Variants in GON4L observed in about 807,000 individuals in gnomAD.
GON4L encodes the protein GON-4-like protein.
In GON4L, 87 loss-of-function variants were observed where a neutral mutation model predicts 211.8. That is an observed-to-expected ratio of 0.41 (90% confidence interval 0.35 to 0.49). The LOEUF is 0.49. Among genes scored for constraint, GON4L ranks in the 20% least tolerant of loss-of-function variants. GON4L has a pLI of 0.15. For synonymous variants in GON4L, 875 were observed against 962.6 expected (o/e 0.91, Z 1.68); for missense variants, 2,155 against 2,659.5 (o/e 0.81, Z 4.17).
rs776280997 is a variant in GON4L, at chr1:155,766,294, A to G, written c.3179T>C (p.Val1060Ala). The G allele has an allele frequency of 1.4e-5, 23 of 1,613,642 alleles. No homozygotes were observed. The highest frequency in any genetic ancestry group is 1.9e-5 in the Non-Finnish European group (22 of 1,179,930). Reference protein sequence around the residue: ...QTVPGVPPLGVSGGESFESPA... With the variant: ...QTVPGVPPLGASGGESFESPA... ...AGACTCAAAACTCTCACCTCCACTG[A>G]CCCCCAGTGGAGGGACACCTGGAAC... The change falls in exon 21 of 32, where the codon GTC (valine) becomes GCC (alanine). Residue 1060 changes from valine (V) to alanine (A), a missense_variant. Val to Ala is a moderately conservative substitution (Grantham distance 64). This residue lies in a region of GON4L where 615 missense variants were observed against 625.7 expected (regional missense o/e 0.98). Coordinates refer to ENST00000368331, the MANE Select transcript of GON4L (RefSeq NM_001282860.2).
intron 27 of GON4L, 145 bp downstream of exon 27, chr1:155,756,813 C>A: frequency 1.6e-6 from 1 of 630,272 alleles, no homozygotes; most frequent in Non-Finnish European, 2.8e-6. Flanking sequence ...TCTGTAATTC[C>A]AGCTACTTGA....
chr1:155,775,247 T>C (rs557119897), intron 16 of GON4L, 74 bp from the exon 17 acceptor site: 31 of 1,596,220 alleles, frequency 1.9e-5, no homozygotes, highest in East Asian at 6.7e-5. Flanking sequence ...AGAATCTAAA[T>C]GAGAAGCTGA....
intron 2 of GON4L, among the ~76,000 whole-genome samples, chr1:155,831,283 G>A (rs760545398): frequency 2.2e-4 from 33 of 151,900 alleles, no homozygotes; most frequent in Non-Finnish European, 4.4e-4. Context: ...TAGGTAACAC[G>A]GTGGGACCCT....
chr1:155,823,626 G>A (rs1668916377), intron 3 of GON4L, among the ~76,000 whole-genome samples: 1 of 152,186 alleles, frequency 6.6e-6, no homozygotes, highest in African/African-American at 2.4e-5. Context: ...TGGACGCAGT[G>A]GCTCACACCT....
chr1:155,817,364 T>C (rs1435918127), intron 6 of GON4L, among the ~76,000 whole-genome samples: 1 of 152,182 alleles, frequency 6.6e-6, no homozygotes, highest in Non-Finnish European at 1.5e-5. Flanking sequence ...TTCTTGACCA[T>C]TTAATTGTAA....
chr1:155,748,759 T>C, downstream of GON4L: 1 of 1,614,174 alleles, frequency 6.2e-7, no homozygotes, highest in Non-Finnish European at 8.5e-7. Context: ...TCAGTGGTGC[T>C]GAGGGTATAG....
In GON4L at chr1:155,787,570, C is replaced by T. The variant is rs546413436; in HGVS notation, c.1748-2196G>A. On this transcript the variant is annotated intron_variant, in intron 12 of 31. Transcript: ENST00000368331. ...GGCAGATCATCTGCGGTCAGGAGTT[C>T]GAGACCAGTCTGACCAACATGGTGA... Among the ~76,000 whole-genome samples, 11 of 152,196 alleles carry T rather than the reference C, an allele frequency of 7.2e-5. No individual in the cohort carries two copies. The East Asian group carries it at 1.5e-3, about 21-fold the overall frequency.
At chr1:155,777,263 C>T (rs1319076440) in intron 15 of GON4L, among the ~76,000 whole-genome samples, 4 of 152,108 alleles carry the variant, frequency 2.6e-5, no homozygotes, top group African/African-American at 9.7e-5. Flanking sequence ...TAATTTCTGG[C>T]CTCAGAGTTA....
At chr1:155,776,314 G>T in intron 16 of GON4L, 81 bp downstream of exon 16, 1 of 967,058 alleles carries the variant, frequency 1.0e-6, no homozygotes, top group Non-Finnish European at 1.7e-6. Flanking sequence ...TATAGATTAT[G>T]ATCAGTGAAT....
rs141043212 is a variant in GON4L at position 155,853,485 on chromosome 1, A to T, written c.296T>A (p.Ile99Asn). 1.9e-6 allele frequency: 3 copies of T among 1,613,966 alleles called. No homozygotes were observed. The African/African-American group carries it at 4.0e-5, about 22-fold the overall frequency. Residue 99 changes from isoleucine to asparagine, a missense_variant, in exon 2 of 32, where the codon ATC becomes AAC. Ile to Asn is a moderately radical substitution (Grantham distance 149, BLOSUM62 -3). Transcript: ENST00000368331. ...GGAAGGTAGGGTGATTCCCTGAGAG[A>T]TGGCCACATCAACACCTTCTAGAAT... The part of the protein sequence containing the change: ...VPILEGVDVA[I>N]SQGITLPSLE...
At chr1:155,773,528 C>A in intron 17 of GON4L, 2 of 296,344 alleles carry the variant, frequency 6.7e-6, no homozygotes, top group Non-Finnish European at 6.4e-6. Context: ...AAATGTTTTA[C>A]CTCCTTCCCC....
intron 13 of GON4L, 57 bp from the exon 14 acceptor site, chr1:155,784,146 C>T: frequency 1.3e-6 from 2 of 1,599,706 alleles, no homozygotes; most frequent in Non-Finnish European, 1.7e-6. Flanking sequence ...AATGTTGCTC[C>T]AGTATTGGGA....
intron 2 of GON4L, among the ~76,000 whole-genome samples, chr1:155,850,572 C>T (rs1023833577): frequency 1.3e-5 from 2 of 152,158 alleles, no homozygotes; most frequent in Non-Finnish European, 2.9e-5. Context: ...AAGATTATTG[C>T]TAAACTCCCT....
At chr1:155,776,560 T>G in intron 15 of GON4L, 79 bp from the exon 16 acceptor site, 3 of 1,126,104 alleles carry the variant, frequency 2.7e-6, no homozygotes, top group Non-Finnish European at 2.7e-6. Flanking sequence ...TTTTTTTTTT[T>G]TCTTCTTGGA....
At chr1:155,807,919 C>G (rs1246077695) in intron 10 of GON4L, among the ~76,000 whole-genome samples, 1 of 152,046 alleles carries the variant, frequency 6.6e-6, no homozygotes, top group African/African-American at 2.4e-5. Context: ...TACACTGCAT[C>G]AACCTGCTAA....
At chr1:155,809,981 T>TACA (rs1557886087) in intron 10 of GON4L, among the ~76,000 whole-genome samples, 1 of 68,372 alleles carries the variant, frequency 1.5e-5, no homozygotes, top group African/African-American at 5.0e-5. Context: ...ATAAATTATA[T>TACA]ATATATATAA....
chr1:155,779,726 C>T (rs1664224617), intron 14 of GON4L, among the ~76,000 whole-genome samples: 1 of 152,124 alleles, frequency 6.6e-6, no homozygotes, highest in Non-Finnish European at 1.5e-5. Context: ...TTGCTTCAGC[C>T]CTGGAAAAAG....
At chr1:155,750,948 G>C (rs1040923188) in intron 31 of GON4L, among the ~76,000 whole-genome samples, 1 of 152,048 alleles carries the variant, frequency 6.6e-6, no homozygotes, top group African/African-American at 2.4e-5. Flanking sequence ...ATTTTTAGTA[G>C]AGATGGGGTT....
intron 12 of GON4L, among the ~76,000 whole-genome samples, chr1:155,792,617 A>C (rs1381315652): frequency 6.6e-6 from 1 of 152,224 alleles, no homozygotes; most frequent in East Asian, 1.9e-4. Context: ...TCCCTGAGAA[A>C]TTATACGTAA....
Sources: allele counts gnomAD v4.1 joint callset (sites outside exome capture counted in the v4.1 genomes callset), GRCh38; gene constraint gnomAD v4.1.1; regional missense constraint gnomAD v4.1.1; transcripts MANE v1.5; gene names NCBI Gene and HGNC (gene_info 2026-07-23, HGNC 2026-07-21).